The following STAM variants were observed in gnomAD, a reference collection of about 807,000 sequenced individuals.
STAM encodes the protein signal transducing adapter molecule 1.
Under a neutral mutation model 63.4 loss-of-function variants are expected in STAM, and 16 were observed. That is an observed-to-expected ratio of 0.25 (90% CI 0.17 to 0.38). The LOEUF is 0.38. Ranked by LOEUF, STAM falls within the 10% of genes least tolerant of loss-of-function variation. The pLI is 1.00. For synonymous variants in STAM, 238 were observed against 223.9 expected (o/e 1.06, Z -0.56); for missense variants, 636 against 657.1 (o/e 0.97, Z 0.35).
intron 4 of STAM, among the ~76,000 whole-genome samples, chr10:17,687,010 C>T (rs1354100646): frequency 1.3e-5 from 2 of 152,112 alleles, no homozygotes; most frequent in Non-Finnish European, 2.9e-5. Flanking sequence ...TATGAAGATA[C>T]ATCAGTATTT....
At chr10:17,666,978 T>C (rs1834413707) in intron 2 of STAM, among the ~76,000 whole-genome samples, 1 of 152,248 alleles carries the variant, frequency 6.6e-6, no homozygotes, top group Admixed American at 6.5e-5. Context: ...TGCTAGACTC[T>C]GTTACAGTGC....
Position 17,705,742 on chromosome 10 carries a change from G to C in STAM, c.1209+1G>C. Reference sequence around the variant, plus strand: ...GTCATCTGGTGTTTCTGGTTCTCAGGTAAGCTTTTAGAAGCCCATGTTGTT... The same window carrying C: ...GTCATCTGGTGTTTCTGGTTCTCAGCTAAGCTTTTAGAAGCCCATGTTGTT... On this transcript the variant is annotated splice_donor_variant, in intron 12 of 13. Transcript: ENST00000377524. LOFTEE classifies it high-confidence loss of function. The C allele has an allele frequency of 6.2e-7, 1 of 1,610,612 alleles. No homozygotes were observed. The highest frequency in any genetic ancestry group is 8.5e-7 in the Non-Finnish European group (1 of 1,178,904).
intron 2 of STAM, among the ~76,000 whole-genome samples, chr10:17,678,786 A>G (rs1554824946): frequency 1.3e-5 from 2 of 151,784 alleles, no homozygotes; most frequent in Admixed American, 1.3e-4. Flanking sequence ...ATGGCTGTCC[A>G]TTTCCCCTCC....
intron 2 of STAM, among the ~76,000 whole-genome samples, chr10:17,681,078 A>G (rs1239094885): frequency 6.6e-6 from 1 of 152,096 alleles, no homozygotes; most frequent in Non-Finnish European, 1.5e-5. Flanking sequence ...AGCGTTTTAC[A>G]TTCCCACCAA....
At chr10:17,679,025 T>C (rs770963388) in intron 2 of STAM, among the ~76,000 whole-genome samples, 6 of 152,256 alleles carry the variant, frequency 3.9e-5, no homozygotes, top group Non-Finnish European at 7.3e-5. Context: ...CTTTCGTTGA[T>C]GGACATTTGG....
intron 12 of STAM, among the ~76,000 whole-genome samples, chr10:17,707,900 C>CT (rs1186469209): frequency 1.4e-5 from 2 of 146,936 alleles, no homozygotes; most frequent in Non-Finnish European, 3.0e-5. Flanking sequence ...TTTTAATAAA[C>CT]TTTTTTTTGA....
intron 1 of STAM, among the ~76,000 whole-genome samples, chr10:17,653,524 C>T (rs75439107): frequency 0.012 from 1,781 of 152,262 alleles, 19 homozygotes; most frequent in Middle Eastern, 0.068. Flanking sequence ...GGAACCCTCC[C>T]AGATCTAGCT....
chr10:17,656,532 G>T (rs1453514939), intron 1 of STAM, among the ~76,000 whole-genome samples: 1 of 152,156 alleles, frequency 6.6e-6, no homozygotes, highest in Non-Finnish European at 1.5e-5. Context: ...AGAGCCCCCA[G>T]AAAAGAGTCT....
At chr10:17,680,666 C>T in intron 2 of STAM, among the ~76,000 whole-genome samples, 1 of 152,170 alleles carries the variant, frequency 6.6e-6, no homozygotes, top group Non-Finnish European at 1.5e-5. Context: ...CTTCATCTCC[C>T]AAAGTGCTGG....
At chr10:17,689,517 G>C (rs931967999) in intron 5 of STAM, among the ~76,000 whole-genome samples, 2 of 152,138 alleles carry the variant, frequency 1.3e-5, no homozygotes, top group Non-Finnish European at 2.9e-5. Context: ...AAAAAATTAT[G>C]TCTTTGAAAA....
rs551923784 is a variant in STAM, at chr10:17,700,823, A to G, written c.912+544A>G. 6.6e-5 allele frequency among the ~76,000 whole-genome samples: 10 copies of G among 152,302 alleles called. No individual in the cohort carries two copies. The East Asian group carries it at 9.6e-4, about 15-fold the overall frequency. On this transcript the variant is annotated intron_variant, in intron 9 of 13. Transcript: ENST00000377524. ...ACTGAGGAAGGGACACTCATTGACT[A>G]TCTATTGAAACAAATAAATTACTGT...
At chr10:17,687,370 T>C (rs1303072198) in intron 4 of STAM, among the ~76,000 whole-genome samples, 1 of 151,566 alleles carries the variant, frequency 6.6e-6, no homozygotes, top group Non-Finnish European at 1.5e-5. Flanking sequence ...ACTCGGGAGG[T>C]TGACACAAGA....
intron 2 of STAM, among the ~76,000 whole-genome samples, chr10:17,681,235 A>G (rs544769041): frequency 5.5e-4 from 77 of 140,716 alleles, no homozygotes; most frequent in African/African-American, 2.0e-3. Context: ...GCTTATAGGT[A>G]TAAATTACCT....
At chr10:17,681,224 T>TGC (rs1835075020) in intron 2 of STAM, among the ~76,000 whole-genome samples, 1 of 145,886 alleles carries the variant, frequency 6.9e-6, no homozygotes, top group African/African-American at 2.5e-5. Flanking sequence ...TTAATGTAGG[T>TGC]GCTTATAGGT....
rs1194521806 is a variant in STAM, at chr10:17,696,365, G to GA, written c.729-400dup. Among the ~76,000 whole-genome samples the GA allele has an allele frequency of 8.2e-5, 12 of 146,938 alleles. 1 individual carries two copies. The highest frequency in any genetic ancestry group is 4.0e-4 in the East Asian group (2 of 5,062). ...ATCTTTGACATTCGTTCTGTTGGGA[G>GA]AAAAAAAAAACCTTGCTGCTGTGTA... is the stretch of plus-strand genomic sequence containing the variant. On this transcript the variant is annotated intron_variant, in intron 7 of 13. Coordinates refer to ENST00000377524, the MANE Select transcript of STAM (RefSeq NM_003473.4).
At chr10:17,675,871 A>T (rs1834833056) in intron 2 of STAM, among the ~76,000 whole-genome samples, 1 of 152,056 alleles carries the variant, frequency 6.6e-6, no homozygotes, top group African/African-American at 2.4e-5. Flanking sequence ...ACCTAATTAG[A>T]TTAATCCAAA....
At chr10:17,659,244 T>C (rs1278972071) in intron 1 of STAM, among the ~76,000 whole-genome samples, 1 of 152,126 alleles carries the variant, frequency 6.6e-6, no homozygotes, top group African/African-American at 2.4e-5. Context: ...ATATTATTAA[T>C]TCCTCCTTCC....
At chr10:17,695,715 T>A (rs1835729094) in intron 7 of STAM, 1 of 152,290 alleles carries the variant, frequency 6.6e-6, no homozygotes, top group Non-Finnish European at 1.5e-5. Context: ...TATAGCTTTG[T>A]GATGTTTTAC....
At chr10:17,687,957 A>C in intron 4 of STAM, 70 bp from the exon 5 acceptor site, 1 of 1,314,946 alleles carries the variant, frequency 7.6e-7, no homozygotes, top group African/African-American at 1.5e-5. Context: ...TAACTTTACT[A>C]TTTAAAATGT....
Sources: gnomAD v4.1 joint callset for allele counts (sites outside exome capture counted in the v4.1 genomes callset) on GRCh38, gnomAD v4.1.1 for gene constraint, MANE v1.5 for transcripts, NCBI Gene and HGNC (gene_info 2026-07-23, HGNC 2026-07-21) for gene names.